The following SIM2 variants were observed in gnomAD, a reference collection of about 807,000 sequenced individuals.
SIM2 encodes the protein SIM bHLH transcription factor 2.
Under a neutral mutation model 64.8 loss-of-function variants are expected in SIM2, and 28 were observed. That is an observed-to-expected ratio of 0.43 (90% CI 0.32 to 0.59). The LOEUF (loss-of-function observed/expected upper bound fraction) is 0.59, where lower values mean the gene tolerates loss of function less well. Ranked by LOEUF, SIM2 falls within the 20% of genes least tolerant of loss-of-function variation. SIM2 has a pLI of 0.07. For synonymous variants in SIM2, 408 were observed against 391.1 expected (o/e 1.04, Z -0.51); for missense variants, 847 against 871.4 (o/e 0.97, Z 0.35).
chr21:36,734,462 T>C (rs539295977), intron 7 of SIM2, among the ~76,000 whole-genome samples: 2 of 152,300 alleles, frequency 1.3e-5, no homozygotes, highest in South Asian at 4.1e-4. Flanking sequence ...CAGTGATTGC[T>C]ACTGTCCTGT....
intron 3 of SIM2, among the ~76,000 whole-genome samples, chr21:36,715,635 T>C (rs1311107336): frequency 6.6e-6 from 1 of 152,252 alleles, no homozygotes; most frequent in Non-Finnish European, 1.5e-5. Flanking sequence ...TTCATGTTGA[T>C]TCAGTGTTAA....
At chr21:36,741,649 T>G (rs768000658) in intron 7 of SIM2, 68 bp from the exon 8 acceptor site, 3 of 1,570,246 alleles carry the variant, frequency 1.9e-6, no homozygotes, top group Non-Finnish European at 1.7e-6. Flanking sequence ...GAGGTCACCG[T>G]TGGGGGCAGC....
chr21:36,705,038 G>A (rs756373198), intron 1 of SIM2, among the ~76,000 whole-genome samples: 3 of 152,228 alleles, frequency 2.0e-5, no homozygotes, highest in Non-Finnish European at 4.4e-5. Flanking sequence ...CTGTCCTAGA[G>A]CAACTAGGCG....
rs770056060 is a variant in SIM2, at chr21:36,744,884, T to C, written c.1324T>C (p.Tyr442His). ...YTPSYSLPFS[Y>H]HYGHFPLDSH... Reference sequence around the variant, plus strand: ...GCCATCCTACAGCCTGCCCTTCTCCTACCATTACGGACACTTCCCTCTGGA... The same window carrying C: ...GCCATCCTACAGCCTGCCCTTCTCCCACCATTACGGACACTTCCCTCTGGA... Residue 442 changes from tyrosine to histidine, a missense_variant, in exon 10 of 11, where the codon TAC (tyrosine) becomes CAC (histidine). Physicochemically the swap from Tyr to His is moderately conservative, Grantham distance 83. Around this residue, in one of 3 missense-constraint regions of SIM2, gnomAD observed 447 missense variants for 414.6 expected, o/e 1.08. Transcript: ENST00000290399. 10 of 1,614,126 alleles carry C rather than the reference T, an allele frequency of 6.2e-6. No homozygotes were observed. The East Asian group carries it at 2.2e-4, about 36-fold the overall frequency.
rs985338594 is a variant in SIM2, at chr21:36,733,132, C to T, written c.850+1981C>T. On this transcript the variant is annotated intron_variant, in intron 7 of 10. Coordinates refer to ENST00000290399, the MANE Select transcript of SIM2 (RefSeq NM_005069.6). ...TGCTGGGGAGTTTAAAGCATACCCCCGAATTACAGCAAGAGAAGACTTGCT... is the reference window on the plus strand; with the variant it reads ...TGCTGGGGAGTTTAAAGCATACCCCTGAATTACAGCAAGAGAAGACTTGCT... 9.9e-4 allele frequency among the ~76,000 whole-genome samples: 150 copies of T among 152,258 alleles called. 1 individual carries two copies. The highest frequency in any genetic ancestry group is 3.4e-3 in the African/African-American group (142 of 41,564).
At position 36,747,361 on chromosome 21, in the gene SIM2, A is replaced by T. The variant is rs1438655053; in HGVS notation, c.1577-304A>T. Reference sequence around the variant, plus strand: ...TCAGGACCAAAAAAAAAAAAAAGAAAATATCCCAATAATTGTTTCACACGG... The same window carrying T: ...TCAGGACCAAAAAAAAAAAAAAGAATATATCCCAATAATTGTTTCACACGG... On this transcript the variant is annotated intron_variant, in intron 10 of 10. Coordinates refer to ENST00000290399, the MANE Select transcript of SIM2 (RefSeq NM_005069.6). The surrounding 1 kb of genome is among the most constrained non-coding windows in gnomAD (Gnocchi z 4.5). Among the ~76,000 whole-genome samples the T allele has an allele frequency of 6.6e-6, 1 of 152,210 alleles. No homozygotes were observed. Among genetic ancestry groups the T allele is most frequent in the Non-Finnish European group, 1.5e-5 (1 of 68,040 alleles).
intron 6 of SIM2, among the ~76,000 whole-genome samples, chr21:36,729,921 T>A (rs1464145875): frequency 6.6e-6 from 1 of 152,188 alleles, no homozygotes; most frequent in Non-Finnish European, 1.5e-5. Flanking sequence ...GAAATTAATA[T>A]GCCCAGGGCT....
rs1457441534 is a variant in SIM2 at position 36,745,038 on chromosome 21, A to G, written c.1478A>G (p.Tyr493Cys). The change falls in exon 10 of 11, where the codon TAT becomes TGT. Residue 493 changes from tyrosine (Y) to cysteine (C), a missense_variant. Transcript: ENST00000290399. This position sits in a 1 kb window ranked among gnomAD's most constrained non-coding sequence, Gnocchi z 4.8. ...GCCAGCGGTGAATGCCAGTGGCATT[A>G]TGCCAACCCCCTAGTGCCTAGCAGC... ...LPASGECQWH[Y>C]ANPLVPSSSS... The G allele has an allele frequency of 1.9e-6, 3 of 1,614,198 alleles. No individual in the cohort carries two copies. The highest frequency in any genetic ancestry group is 8.5e-7 in the Non-Finnish European group (1 of 1,180,026).
chr21:36,724,793 C>G (rs1568932607), intron 5 of SIM2, among the ~76,000 whole-genome samples: 1 of 152,206 alleles, frequency 6.6e-6, no homozygotes, highest in Non-Finnish European at 1.5e-5. Flanking sequence ...GGCTAAGATT[C>G]TTCACTGTTG....
At chr21:36,707,480 T>A (rs890449725) in intron 1 of SIM2, among the ~76,000 whole-genome samples, 1 of 152,038 alleles carries the variant, frequency 6.6e-6, no homozygotes, top group African/African-American at 2.4e-5. Context: ...ATTCCCGGGA[T>A]CGTGTATGTG....
rs1178627180 is a variant in SIM2 at position 36,719,898 on chromosome 21, C to T, written c.426C>T (p.Ala142=). Residue 142 remains alanine (A), a synonymous_variant, in exon 4 of 11, where the codon GCC becomes GCT. Coordinates refer to ENST00000290399, the MANE Select transcript of SIM2 (RefSeq NM_005069.6). ...ATGAGATGACCGCTGTCCTCACGGCCCACCAGCCGCTGCACCACCACCTGC... is the reference window on the plus strand; with the variant it reads ...ATGAGATGACCGCTGTCCTCACGGCTCACCAGCCGCTGCACCACCACCTGC... ...DHDEMTAVLT[A]HQPLHHHLLQ... is the part of the protein sequence containing the mutation. 2.5e-6 allele frequency: 4 copies of T among 1,612,226 alleles called. No individual in the cohort carries two copies. The highest frequency in any genetic ancestry group is 3.4e-6 in the Non-Finnish European group (4 of 1,178,700).
At position 36,731,117 on chromosome 21, in the gene SIM2, C is replaced by G. The variant is rs777141819; in HGVS notation, c.816C>G (p.Cys272Trp). The stretch of plus-strand genomic sequence containing the variant: ...CCCTATACCATCACGTGCACGGCTG[C>G]GACGTGTTCCACCTCCGCTACGCAC... ...EKTLYHHVHG[C>W]DVFHLRYAHH... is the part of the protein sequence containing the mutation. The change falls in exon 7 of 11, where the codon TGC becomes TGG. Residue 272 changes from cysteine to tryptophan, a missense_variant. Physicochemically the swap from Cys to Trp is radical, Grantham distance 215. This residue lies in a region of SIM2 where 397 missense variants were observed against 439.2 expected (regional missense o/e 0.90). Coordinates refer to ENST00000290399, the MANE Select transcript of SIM2 (RefSeq NM_005069.6). The G allele has an allele frequency of 6.2e-7, 1 of 1,613,944 alleles. No individual in the cohort carries two copies. The highest frequency in any genetic ancestry group is 8.5e-7 in the Non-Finnish European group (1 of 1,179,960).
At chr21:36,703,475 G>T (rs2088535074) in intron 1 of SIM2, among the ~76,000 whole-genome samples, 1 of 152,206 alleles carries the variant, frequency 6.6e-6, no homozygotes, top group Non-Finnish European at 1.5e-5. Context: ...ACCCCTTCCT[G>T]TGAGCTCCCC....
chr21:36,701,129 GT>G (rs776564096), intron 1 of SIM2, among the ~76,000 whole-genome samples: 1 of 152,234 alleles, frequency 6.6e-6, no homozygotes, highest in Non-Finnish European at 1.5e-5. Flanking sequence ...CAGGGTTCTG[GT>G]GGGTCCTCTG....
Position 36,745,429 on chromosome 21 carries a change from G to A in SIM2, c.1576+293G>A. 1 of 1,284,310 alleles carries A rather than the reference G, an allele frequency of 7.8e-7. No homozygotes were observed. Among genetic ancestry groups the A allele is most frequent in the Non-Finnish European group, 1.0e-6 (1 of 1,001,124 alleles). 79.6% of individuals were successfully genotyped at this position (1,284,310 alleles called of 1,614,324 possible). On this transcript the variant is annotated intron_variant, in intron 10 of 10. Coordinates refer to ENST00000290399, the MANE Select transcript of SIM2 (RefSeq NM_005069.6). This position sits in a 1 kb window ranked among gnomAD's most constrained non-coding sequence, Gnocchi z 4.8. ...TCCTGGCCACATTCACCAACCAAAG[G>A]GGGACAGTGATTTTCAAAACCAGCT...
At chr21:36,731,219 G>A (rs932374400) in intron 7 of SIM2, 68 bp downstream of exon 7, 97 of 1,113,220 alleles carry the variant, frequency 8.7e-5, no homozygotes, top group South Asian at 4.8e-4. Flanking sequence ...GGACAGAGCC[G>A]GGGGACGTGT....
intron 1 of SIM2, among the ~76,000 whole-genome samples, chr21:36,700,324 TTTTC>T (rs1316638157): frequency 4.8e-4 from 72 of 150,498 alleles, no homozygotes; most frequent in Non-Finnish European, 8.1e-4. Flanking sequence ...TTCTCTTTCT[TTTTC>T]TTTCTTTCTT....
rs748406214 is a variant in SIM2, at chr21:36,744,834, CAGAA to C, written c.1277_1280del (p.Glu426AlafsTer54). On this transcript the variant is annotated frameshift_variant, in exon 10 of 11. Transcript: ENST00000290399. LOFTEE classifies it high-confidence loss of function. ...GCTCCTCCAGAACTGCAGCCCCACT[CAGAA>C]AGCAGTGACCTTCTGTACACGCCAT... 1 of 1,614,234 alleles carries C rather than the reference CAGAA, an allele frequency of 6.2e-7. No homozygotes were observed. Among genetic ancestry groups the C allele is most frequent in the Non-Finnish European group, 8.5e-7 (1 of 1,180,032 alleles).
In SIM2 at chr21:36,699,997, C is replaced by T; in HGVS notation, c.175+76C>T. On this transcript the variant is annotated intron_variant, in intron 1 of 10. Transcript: ENST00000290399. This position sits in a 1 kb window ranked among gnomAD's most constrained non-coding sequence, Gnocchi z 5.6. ...GCCCAGGCGGGAAGCGCAAGCCAGC[C>T]CGCCCAGAGGGGTTGCCGCGGCCTG... 1 of 1,452,324 alleles carries T rather than the reference C, an allele frequency of 6.9e-7. No homozygotes were observed. Among genetic ancestry groups the T allele is most frequent in the Non-Finnish European group, 9.2e-7 (1 of 1,084,472 alleles). The allele number at this position is 1,452,324 out of a possible 1,614,324, so 90.0% of individuals were successfully genotyped here.
Sources: gnomAD v4.1 joint callset for allele counts (sites outside exome capture counted in the v4.1 genomes callset) on GRCh38, gnomAD v4.1.1 for gene constraint, gnomAD v4.1.1 regional missense constraint, Gnocchi (gnomAD v3.1) non-coding constraint, MANE v1.5 for transcripts, NCBI Gene and HGNC (gene_info 2026-07-23, HGNC 2026-07-21) for gene names.